STK32C: variants seen among roughly 807,000 people sequenced by gnomAD.
STK32C encodes the protein serine/threonine kinase 32C, also known as serine/threonine-protein kinase 32C.
Under a neutral mutation model 56.5 loss-of-function variants are expected in STK32C, and 31 were observed. That is an observed-to-expected ratio of 0.55 (90% CI 0.41 to 0.74). STK32C has a LOEUF of 0.74. Ranked by LOEUF, STK32C falls within the 30% of genes least tolerant of loss-of-function variation. The probability of loss-of-function intolerance (pLI) is 0.00; values close to 1 mark genes in which losing one functional copy is unlikely to be tolerated. For synonymous variants in STK32C, 309 were observed against 289.4 expected, an observed-to-expected ratio of 1.07 and a Z score of -0.69; for missense variants, 544 against 676.9, an observed-to-expected ratio of 0.80 and a Z score of 2.18.
chr10:132,325,907 G>C (rs1366936602), intron 1 of STK32C, among the ~76,000 whole-genome samples: 1 of 151,982 alleles, frequency 6.6e-6, no homozygotes, highest in Non-Finnish European at 1.5e-5. Flanking sequence ...ATTTTTAGTA[G>C]AGACGGGGTT....
intron 1 of STK32C, among the ~76,000 whole-genome samples, chr10:132,256,014 C>T (rs895566379): frequency 2.6e-5 from 4 of 152,214 alleles, no homozygotes; most frequent in African/African-American, 7.2e-5. Flanking sequence ...TGGGCAGCTC[C>T]GGGACAGGGC....
intron 2 of STK32C, among the ~76,000 whole-genome samples, chr10:132,241,240 C>G (rs757634377): frequency 1.3e-5 from 2 of 152,222 alleles, no homozygotes; most frequent in African/African-American, 2.4e-5. Context: ...GAAGCACAGC[C>G]GTGGCTCCAA....
At chr10:132,303,425 G>A (rs377229225) in intron 1 of STK32C, among the ~76,000 whole-genome samples, 16 of 152,244 alleles carry the variant, frequency 1.1e-4, no homozygotes, top group African/African-American at 3.9e-4. Context: ...CACAAAGGCA[G>A]ATGATGAATC....
chr10:132,240,915 C>T (rs2063478064), intron 2 of STK32C, among the ~76,000 whole-genome samples: 1 of 152,196 alleles, frequency 6.6e-6, no homozygotes, highest in Non-Finnish European at 1.5e-5. Context: ...AGGGGCACCA[C>T]ACCCCTAGAG....
intron 1 of STK32C, among the ~76,000 whole-genome samples, chr10:132,297,102 G>A (rs988764337): frequency 1.1e-4 from 16 of 152,236 alleles, no homozygotes; most frequent in African/African-American, 3.6e-4. Context: ...TGCAGCTTCT[G>A]GGCGGGTGAC....
chr10:132,246,761 C>T (rs979472831), intron 1 of STK32C, among the ~76,000 whole-genome samples: 12 of 152,140 alleles, frequency 7.9e-5, no homozygotes. Context: ...ATTCTCCGTA[C>T]ACATAAGACG....
At chr10:132,316,524 C>A (rs1015111168) in intron 1 of STK32C, among the ~76,000 whole-genome samples, 3 of 152,066 alleles carry the variant, frequency 2.0e-5, no homozygotes, top group Admixed American at 1.3e-4. Context: ...GAGGCTAAGG[C>A]GGGAGGATCC....
chr10:132,327,974 A>G (rs536755582), intron 1 of STK32C, among the ~76,000 whole-genome samples: 1 of 152,156 alleles, frequency 6.6e-6, no homozygotes, highest in South Asian at 2.1e-4. Context: ...AGTAGTGGAG[A>G]ACAGCCAAGA....
chr10:132,308,753 G>T (rs2066161851), upstream of STK32C, among the ~76,000 whole-genome samples: 1 of 152,196 alleles, frequency 6.6e-6, no homozygotes, highest in African/African-American at 2.4e-5. Flanking sequence ...TGCGACAGGG[G>T]CCTCGGCACT....
At chr10:132,311,708 T>C (rs182440359), upstream of STK32C, among the ~76,000 whole-genome samples, 1 of 152,306 alleles carries the variant, frequency 6.6e-6, no homozygotes, top group African/African-American at 2.4e-5. This position sits in a 1 kb window ranked among gnomAD's most constrained non-coding sequence, Gnocchi z 4.4. Flanking sequence ...GCTGCCACCA[T>C]CATCACGTTG....
At chr10:132,310,924 G>A (rs1314204980), upstream of STK32C, among the ~76,000 whole-genome samples, 1 of 152,174 alleles carries the variant, frequency 6.6e-6, no homozygotes, top group African/African-American at 2.4e-5. This position sits in a 1 kb window ranked among gnomAD's most constrained non-coding sequence, Gnocchi z 4.6. Flanking sequence ...AGCAGGAGCT[G>A]GCCCTAAGGT....
chr10:132,330,872 T>C (rs1206747702), intron 1 of STK32C, among the ~76,000 whole-genome samples: 7 of 151,674 alleles, frequency 4.6e-5, no homozygotes, highest in Non-Finnish European at 1.0e-4. Flanking sequence ...TCAAAGTGGA[T>C]AGTCGTTTCT....
chr10:132,309,762 A>T (rs1233824786), upstream of STK32C, among the ~76,000 whole-genome samples: 2 of 152,204 alleles, frequency 1.3e-5, no homozygotes, highest in Non-Finnish European at 1.5e-5. Flanking sequence ...CGGTGCACAC[A>T]TCAGACTCCC....
chr10:132,323,359 C>G (rs968493288), downstream of STK32C, among the ~76,000 whole-genome samples: 1 of 152,182 alleles, frequency 6.6e-6, no homozygotes, highest in Non-Finnish European at 1.5e-5. This position sits in a 1 kb window ranked among gnomAD's most constrained non-coding sequence, Gnocchi z 4.8. Context: ...ACTGTATGGA[C>G]TGAATAGTGC....
At chr10:132,227,941 G>C (rs1299419963) in intron 3 of STK32C, 36 bp downstream of exon 3, 1 of 1,607,560 alleles carries the variant, frequency 6.2e-7, no homozygotes, top group Non-Finnish European at 8.5e-7. Flanking sequence ...CTTCAGGACG[G>C]TAAGTCTTTC....
intron 1 of STK32C, among the ~76,000 whole-genome samples, chr10:132,280,345 C>CCACTCCGTGACCATGCCCCTG (rs2065135210): frequency 7.2e-6 from 1 of 138,596 alleles, no homozygotes; most frequent in Non-Finnish European, 1.6e-5. Flanking sequence ...GCTGAGGCCT[C>CCACTCCGTGACCATGCCCCTG]CACTCCGTGA....
intron 1 of STK32C, among the ~76,000 whole-genome samples, chr10:132,284,627 A>G (rs906835454): frequency 6.6e-6 from 1 of 152,128 alleles, no homozygotes; most frequent in Admixed American, 6.5e-5. Flanking sequence ...CCAGGCATGA[A>G]CCCAGAACAC....
At chr10:132,227,910 G>A (rs2137730191) in intron 3 of STK32C, 67 bp downstream of exon 3, 4 of 1,572,672 alleles carry the variant, frequency 2.5e-6, no homozygotes, top group Non-Finnish European at 3.4e-6. Context: ...GGGCAGGAGA[G>A]GATAGCCAGT....
chr10:132,211,993 C>A (rs1175713323), intron 10 of STK32C, among the ~76,000 whole-genome samples: 1 of 152,070 alleles, frequency 6.6e-6, no homozygotes, highest in South Asian at 2.1e-4. Flanking sequence ...TGAGACACAG[C>A]CTCGGACCCC....
Sources: gnomAD v4.1 joint callset for allele counts (sites outside exome capture counted in the v4.1 genomes callset) on GRCh38, gnomAD v4.1.1 for gene constraint, Gnocchi (gnomAD v3.1) non-coding constraint, MANE v1.5 for transcripts, NCBI Gene and HGNC (gene_info 2026-07-23, HGNC 2026-07-21) for gene names.